SP3: variants seen among roughly 807,000 people sequenced by gnomAD.
The protein encoded by SP3 is transcription factor Sp3.
A neutral mutation model predicts 70.3 loss-of-function variants in SP3; 10 were observed. The observed-to-expected ratio is 0.14, with a 90% CI of 0.09 to 0.24. The LOEUF is 0.24. SP3 is among the 10% of genes least tolerant of loss of function. SP3 has a pLI of 1.00. For missense variants in SP3, 825 were observed against 914.6 expected, an observed-to-expected ratio of 0.90 and a Z score of 1.26; for synonymous variants, 402 against 333.5, an observed-to-expected ratio of 1.21 and a Z score of -2.24.
At chr2:173,945,629 ACTTC>A (rs1690514823) in intron 4 of SP3, among the ~76,000 whole-genome samples, 1 of 152,228 alleles carries the variant, frequency 6.6e-6, no homozygotes, top group African/African-American at 2.4e-5. Context: ...CATATGTTCA[ACTTC>A]CTTAATAAAA....
intron 4 of SP3, among the ~76,000 whole-genome samples, chr2:173,922,138 T>C (rs1015457235): frequency 2.6e-5 from 4 of 152,096 alleles, no homozygotes; most frequent in Non-Finnish European, 4.4e-5. Flanking sequence ...AAAGAGATGA[T>C]AGTGGCCTGA....
intron 5 of SP3, 159 bp from the exon 6 acceptor site, chr2:173,913,425 A>G: frequency 6.3e-6 from 3 of 473,858 alleles, no homozygotes; most frequent in Non-Finnish European, 1.0e-5. Context: ...TTAAATGAAA[A>G]TTTATGTATT....
chr2:173,927,523 C>T (rs762229381), intron 4 of SP3, among the ~76,000 whole-genome samples: 18 of 152,046 alleles, frequency 1.2e-4, no homozygotes, highest in Non-Finnish European at 1.8e-4. Context: ...GGTGATCTGC[C>T]GGCCTCGGTC....
At chr2:173,947,110 G>A (rs1690566117) in intron 4 of SP3, among the ~76,000 whole-genome samples, 1 of 152,092 alleles carries the variant, frequency 6.6e-6, no homozygotes, top group African/African-American at 2.4e-5. Context: ...TGTGATTTTA[G>A]TTCAAGTCAG....
intron 4 of SP3, among the ~76,000 whole-genome samples, chr2:173,945,307 A>G (rs374143611): frequency 6.6e-6 from 1 of 152,164 alleles, no homozygotes; most frequent in African/African-American, 2.4e-5. Flanking sequence ...TACTGTTCCC[A>G]CTACATCAGA....
At position 173,905,622 on chromosome 2, in the gene SP3, A is replaced by T. The variant is rs963183595; in HGVS notation, c.*4319T>A. Among the ~76,000 whole-genome samples, 7 of 152,176 alleles carry T rather than the reference A, an allele frequency of 4.6e-5. No individual in the cohort carries two copies. The South Asian group carries it at 8.3e-4, about 18-fold the overall frequency. On this transcript the variant is annotated 3_prime_UTR_variant, in exon 7 of 7. Transcript: ENST00000310015. ...ATGACAATATACATGACACCTTTTT[A>T]AAAAATATATTCATATCATGAAGAC...
At position 173,904,471 on chromosome 2, in the gene SP3, G is replaced by A. The variant is rs1053216717; in HGVS notation, c.*5470C>T. The stretch of plus-strand genomic sequence containing the variant: ...TTTAAGGCTATCTTGTGGAACCCCA[G>A]GAGGATGAAATGCAGATAGTGAAAT... On this transcript the variant is annotated 3_prime_UTR_variant, in exon 7 of 7. Coordinates refer to ENST00000310015, the MANE Select transcript of SP3 (RefSeq NM_003111.5). Among the ~76,000 whole-genome samples the A allele has an allele frequency of 2.6e-5, 4 of 152,066 alleles. No homozygotes were observed. Among genetic ancestry groups the A allele is most frequent in the African/African-American group, 9.7e-5 (4 of 41,446 alleles).
intron 4 of SP3, among the ~76,000 whole-genome samples, chr2:173,939,125 G>A (rs1690291359): frequency 6.6e-6 from 1 of 152,150 alleles, no homozygotes; most frequent in Non-Finnish European, 1.5e-5. Flanking sequence ...CACCTTTAGT[G>A]CAAGAATTAT....
At chr2:173,950,320 A>T (rs555796588) in intron 4 of SP3, among the ~76,000 whole-genome samples, 6 of 129,146 alleles carry the variant, frequency 4.6e-5, no homozygotes, top group African/African-American at 1.5e-4. Context: ...GCCCTGGTTT[A>T]AAAAAAAAAA....
At position 173,955,850 on chromosome 2, in the gene SP3, G is replaced by A; in HGVS notation, c.662C>T (p.Ser221Phe). ...NQTLLASGTPSANIQNLIPQT... is the reference protein window; with the variant it reads ...NQTLLASGTPFANIQNLIPQT... ...TGGTATGAGATTCTGGATGTTAGCA[G>A]AAGGTGTTCCAGAGGCAAGTAAGGT... The change falls in exon 4 of 7, where the codon TCT becomes TTT. Residue 221 changes from serine to phenylalanine, a missense_variant. Ser to Phe is a radical substitution (Grantham distance 155). This residue lies in a region of SP3 where 678 missense variants were observed against 651.6 expected (regional missense o/e 1.04). Coordinates refer to ENST00000310015, the MANE Select transcript of SP3 (RefSeq NM_003111.5). 1 of 1,614,034 alleles carries A rather than the reference G, an allele frequency of 6.2e-7. No individual in the cohort carries two copies. Among genetic ancestry groups the A allele is most frequent in the Non-Finnish European group, 8.5e-7 (1 of 1,179,862 alleles).
At chr2:173,911,969 C>G (rs1220318034) in intron 6 of SP3, among the ~76,000 whole-genome samples, 1 of 152,098 alleles carries the variant, frequency 6.6e-6, no homozygotes, top group African/African-American at 2.4e-5. Flanking sequence ...CAGGTACACA[C>G]CATCCGCCCG....
At chr2:173,949,366 G>GAA (rs549360499) in intron 4 of SP3, among the ~76,000 whole-genome samples, 4 of 131,402 alleles carry the variant, frequency 3.0e-5, no homozygotes, top group East Asian at 2.2e-4. Context: ...CCTCAAAAAG[G>GAA]AAAAAAAAAA....
At position 173,903,829 on chromosome 2, in the gene SP3, C is replaced by CT. The variant is rs1289450327; in HGVS notation, c.*6111dup. On this transcript the variant is annotated 3_prime_UTR_variant, in exon 7 of 7. Transcript: ENST00000310015. The stretch of plus-strand genomic sequence containing the variant: ...TTCTACCAGTCTTTCAAGGCCCACC[C>CT]TTTCTGATTCATCCAAGCTATATAC... Among the ~76,000 whole-genome samples, 2 of 152,170 alleles carry CT rather than the reference C, an allele frequency of 1.3e-5. No individual in the cohort carries two copies. Among genetic ancestry groups the CT allele is most frequent in the African/African-American group, 4.8e-5 (2 of 41,432 alleles).
At chr2:173,923,708 C>A (rs773429958) in intron 4 of SP3, among the ~76,000 whole-genome samples, 7 of 151,812 alleles carry the variant, frequency 4.6e-5, no homozygotes, top group Non-Finnish European at 1.0e-4. Context: ...CTTTCATATT[C>A]TCTGCCTTCA....
chr2:173,956,724 G>C (rs1690906367), intron 3 of SP3, among the ~76,000 whole-genome samples: 1 of 152,032 alleles, frequency 6.6e-6, no homozygotes, highest in African/African-American at 2.4e-5. Flanking sequence ...CTCATGGCTA[G>C]GGCTATTCCA....
At position 173,904,077 on chromosome 2, in the gene SP3, C is replaced by T. The variant is rs1689246683; in HGVS notation, c.*5864G>A. Among the ~76,000 whole-genome samples, 2 of 152,138 alleles carry T rather than the reference C, an allele frequency of 1.3e-5. No homozygotes were observed. Among genetic ancestry groups the T allele is most frequent in the South Asian group, 4.1e-4 (2 of 4,824 alleles). On this transcript the variant is annotated 3_prime_UTR_variant, in exon 7 of 7. Transcript: ENST00000310015. ...TAGATTCTCTTAAGGAGGGCACTAC[C>T]TAGATCCCTCGCATGCGGGGTTCAC...
In SP3 at chr2:173,964,750, T is replaced by C. The variant is rs1391854443; in HGVS notation, c.8-197A>G. On this transcript the variant is annotated intron_variant, in intron 1 of 6. Transcript: ENST00000310015. ...TGCTGCCCCCGCCCGCCGCTGCCTGTAACCCTCCTCCTCCTCCTCTTTCCC... is the reference window on the plus strand; with the variant it reads ...TGCTGCCCCCGCCCGCCGCTGCCTGCAACCCTCCTCCTCCTCCTCTTTCCC... 7.3e-6 allele frequency: 3 copies of C among 410,242 alleles called. No individual in the cohort carries two copies. The Admixed American group carries it at 1.4e-4, about 20-fold the overall frequency. 25.4% of individuals were successfully genotyped at this position (410,242 alleles called of 1,614,324 possible).
In SP3 at chr2:173,905,615, C is replaced by A. The variant is rs10199150; in HGVS notation, c.*4326G>T. On this transcript the variant is annotated 3_prime_UTR_variant, in exon 7 of 7. Coordinates refer to ENST00000310015, the MANE Select transcript of SP3 (RefSeq NM_003111.5). ...ATGTTACATGACAATATACATGACA[C>A]CTTTTTAAAAAATATATTCATATCA... 0.33 allele frequency among the ~76,000 whole-genome samples: 50,268 copies of A among 151,936 alleles called. 8,833 individuals are homozygous for A. The highest frequency in any genetic ancestry group is 0.38 in the Non-Finnish European group (25,982 of 67,960).
chr2:173,964,489 A>ACCGCCGCCGCCG lies in SP3; in HGVS notation c.60_71dup (p.Gly26_Gly29dup), dbSNP rs750177307. 2.6e-5 allele frequency: 12 copies of ACCGCCGCCGCCG among 465,984 alleles called. No individual in the cohort carries two copies. Among genetic ancestry groups the ACCGCCGCCGCCG allele is most frequent in the Non-Finnish European group, 5.1e-5 (12 of 233,680 alleles). 28.9% of individuals were successfully genotyped at this position (465,984 alleles called of 1,614,324 possible). ...ACTCGCCGTGGCCGCCGCCGCCGCC[A>ACCGCCGCCGCCG]CCGCCGCCGCCGCTATCCACGTCCA... is the stretch of plus-strand genomic sequence containing the variant. On this transcript the variant is annotated inframe_insertion, in exon 2 of 7. Coordinates refer to ENST00000310015, the MANE Select transcript of SP3 (RefSeq NM_003111.5).
Sources: allele counts gnomAD v4.1 joint callset (sites outside exome capture counted in the v4.1 genomes callset), GRCh38; gene constraint gnomAD v4.1.1; regional missense constraint gnomAD v4.1.1; transcripts MANE v1.5; gene names NCBI Gene and HGNC (gene_info 2026-07-23, HGNC 2026-07-21).